Variants in CDH18 observed in about 807,000 individuals in gnomAD.
The protein encoded by CDH18 is cadherin 18, also known as cadherin-18.
Under a neutral mutation model 67.9 loss-of-function variants are expected in CDH18, and 31 were observed. That is an observed-to-expected ratio of 0.46 (90% confidence interval 0.34 to 0.62). The LOEUF (loss-of-function observed/expected upper bound fraction) is 0.62. Among genes scored for constraint, CDH18 ranks in the 20% least tolerant of loss-of-function variants. The probability of loss-of-function intolerance (pLI) is 0.01; values close to 1 mark genes in which losing one functional copy is unlikely to be tolerated. For missense variants in CDH18, 890 were observed against 975.5 expected, an observed-to-expected ratio of 0.91 and a Z score of 1.17; for synonymous variants, 362 against 347.2, an observed-to-expected ratio of 1.04 and a Z score of -0.48.
At chr5:19,788,872 A>G (rs1039032855) in intron 3 of CDH18, among the ~76,000 whole-genome samples, 1 of 152,196 alleles carries the variant, frequency 6.6e-6, no homozygotes, top group South Asian at 2.1e-4. Flanking sequence ...AGCATTCACC[A>G]TGGCCTTTCT....
chr5:20,560,982 G>C (rs1758176312), intron 1 of CDH18, among the ~76,000 whole-genome samples: 1 of 152,076 alleles, frequency 6.6e-6, no homozygotes, highest in African/African-American at 2.4e-5. Flanking sequence ...TAACAAAGAA[G>C]ATAGATAGAA....
At chr5:20,246,021 C>T (rs961255815) in intron 2 of CDH18, among the ~76,000 whole-genome samples, 3 of 152,022 alleles carry the variant, frequency 2.0e-5, no homozygotes, top group Non-Finnish European at 4.4e-5. Context: ...AGAAAGACTA[C>T]CACAATTTGT....
intron 2 of CDH18, among the ~76,000 whole-genome samples, chr5:19,949,079 C>T (rs1795543150): frequency 6.6e-6 from 1 of 152,088 alleles, no homozygotes; most frequent in African/African-American, 2.4e-5. Context: ...CACAGCTACA[C>T]ATGTGGAATC....
chr5:19,641,353 C>T (rs1248815878), intron 5 of CDH18, among the ~76,000 whole-genome samples: 1 of 151,924 alleles, frequency 6.6e-6, no homozygotes, highest in East Asian at 1.9e-4. Context: ...AGGCCTGAAT[C>T]ACCCTGATAC....
At chr5:19,731,927 A>C (rs1767650056) in intron 4 of CDH18, among the ~76,000 whole-genome samples, 1 of 151,628 alleles carries the variant, frequency 6.6e-6, no homozygotes, top group African/African-American at 2.4e-5. Flanking sequence ...CTGTTTCTAC[A>C]AAACACACAA....
chr5:19,639,536 G>C (rs1304190541), intron 5 of CDH18, among the ~76,000 whole-genome samples: 1 of 152,118 alleles, frequency 6.6e-6, no homozygotes, highest in African/African-American at 2.4e-5. Flanking sequence ...ATCACTATGG[G>C]ACAAAGCGAC....
At chr5:20,136,457 C>G (rs535681820) in intron 2 of CDH18, among the ~76,000 whole-genome samples, 1 of 152,188 alleles carries the variant, frequency 6.6e-6, no homozygotes, top group South Asian at 2.1e-4. Context: ...CTTCTTCTAA[C>G]CCTTTATTTT....
intron 2 of CDH18, among the ~76,000 whole-genome samples, chr5:20,232,640 T>C (rs994649464): frequency 1.3e-5 from 2 of 152,134 alleles, no homozygotes; most frequent in African/African-American, 4.8e-5. Flanking sequence ...GACTTATTTA[T>C]ATAAGTTATA....
At chr5:19,566,322 C>T (rs931119626) in intron 8 of CDH18, among the ~76,000 whole-genome samples, 15 of 152,188 alleles carry the variant, frequency 9.9e-5, no homozygotes, top group Admixed American at 3.9e-4. Context: ...TTGACAGTTT[C>T]TTAAAAGCTA....
intron 2 of CDH18, among the ~76,000 whole-genome samples, chr5:19,947,125 G>C (rs898680838): frequency 1.3e-4 from 20 of 151,952 alleles, no homozygotes; most frequent in African/African-American, 4.8e-4. Context: ...AGACAACATT[G>C]TATTTAATAA....
intron 1 of CDH18, among the ~76,000 whole-genome samples, chr5:20,412,420 A>G (rs1419983771): frequency 6.6e-6 from 1 of 152,234 alleles, no homozygotes; most frequent in Non-Finnish European, 1.5e-5. Flanking sequence ...AAACCTAGGA[A>G]AGACTCTTCT....
rs147463582 is a variant in CDH18, at chr5:19,789,855, GAAT to G, written c.229-42622_229-42620del. ...AAGCAATAGTAGTAATTACATATATGAATAATAAATGAATATACAGTATATAAT... is the reference window on the plus strand; with the variant it reads ...AAGCAATAGTAGTAATTACATATATGAATAAATGAATATACAGTATATAAT... On this transcript the variant is annotated intron_variant, in intron 3 of 12. Coordinates refer to ENST00000382275, the MANE Select transcript of CDH18 (RefSeq NM_004934.5). Among the ~76,000 whole-genome samples, 515 of 151,632 alleles carry G rather than the reference GAAT, an allele frequency of 3.4e-3. 1 individual carries two copies. The highest frequency in any genetic ancestry group is 0.012 in the African/African-American group (492 of 41,360).
At chr5:19,486,581 C>T (rs1310308875) in intron 11 of CDH18, among the ~76,000 whole-genome samples, 3 of 152,076 alleles carry the variant, frequency 2.0e-5, no homozygotes, top group Non-Finnish European at 4.4e-5. Context: ...CAACTGAGGT[C>T]AGGAGTTCAA....
intron 2 of CDH18, among the ~76,000 whole-genome samples, chr5:20,018,795 C>G (rs1000965598): frequency 1.5e-5 from 2 of 133,896 alleles, no homozygotes; most frequent in Non-Finnish European, 1.7e-5. Flanking sequence ...GAGAATAAGG[C>G]ATTCTTTTTT....
intron 1 of CDH18, among the ~76,000 whole-genome samples, chr5:20,436,497 A>G (rs1312722613): frequency 6.6e-6 from 1 of 151,898 alleles, no homozygotes; most frequent in Non-Finnish European, 1.5e-5. Flanking sequence ...ATAATCTGTC[A>G]GTAAAAGTAA....
chr5:19,885,310 C>T, intron 2 of CDH18, among the ~76,000 whole-genome samples: 1 of 152,146 alleles, frequency 6.6e-6, no homozygotes, highest in East Asian at 1.9e-4. Flanking sequence ...GTTATAATGA[C>T]ATCCAGTTTA....
At chr5:20,071,940 T>A (rs1743511184) in intron 2 of CDH18, among the ~76,000 whole-genome samples, 1 of 135,064 alleles carries the variant, frequency 7.4e-6, no homozygotes, top group Non-Finnish European at 1.7e-5. Flanking sequence ...ATTGTGTAAC[T>A]TGGAGACCTA....
At chr5:20,226,414 A>C (rs1162182794) in intron 2 of CDH18, among the ~76,000 whole-genome samples, 1 of 152,114 alleles carries the variant, frequency 6.6e-6, no homozygotes, top group Non-Finnish European at 1.5e-5. Flanking sequence ...TAGCTTCAAT[A>C]ATATATTGTT....
chr5:20,233,226 T>C (rs982263678), intron 2 of CDH18, among the ~76,000 whole-genome samples: 4 of 151,072 alleles, frequency 2.6e-5, no homozygotes, highest in Non-Finnish European at 5.9e-5. Context: ...AGGAGTAATA[T>C]ACATTTACTA....
Sources: allele counts gnomAD v4.1 joint callset (sites outside exome capture counted in the v4.1 genomes callset), GRCh38; gene constraint gnomAD v4.1.1; transcripts MANE v1.5; gene names NCBI Gene and HGNC (gene_info 2026-07-23, HGNC 2026-07-21).